RPL14: variants seen among roughly 807,000 people sequenced by gnomAD.
The protein encoded by RPL14 is ribosomal protein L14, also known as large ribosomal subunit protein eL14.
A neutral mutation model predicts 25.3 loss-of-function variants in RPL14; 4 were observed. That is an observed-to-expected ratio of 0.16 (90% CI 0.08 to 0.36). RPL14 has a LOEUF of 0.36. Among genes scored for constraint, RPL14 ranks in the 10% least tolerant of loss-of-function variants. The pLI, the probability that RPL14 is intolerant of heterozygous loss-of-function variation, is 1.00. For synonymous variants in RPL14, 75 were observed against 89.8 expected (o/e 0.84, Z 0.93); for missense variants, 212 against 261.9 (o/e 0.81, Z 1.31).
rs1189816896 is a variant in RPL14 at position 40,466,106 on chromosome 3, G to T, written c.*3874G>T. 6.6e-6 allele frequency: 1 copy of T among 150,568 alleles called. No homozygotes were observed. The highest frequency in any genetic ancestry group is 1.5e-5 in the Non-Finnish European group (1 of 67,726). 9.3% of individuals were successfully genotyped at this position (150,568 alleles called of 1,614,324 possible). On this transcript the variant is annotated 3_prime_UTR_variant, in exon 6 of 6. Coordinates refer to ENST00000396203, the MANE Select transcript of RPL14 (RefSeq NM_001034996.3). ...CTTGGGAGGCTGAGGCGGGAGAATC[G>T]CTTGAACCCAGGAGGTGGAGGTTGC... is the stretch of plus-strand genomic sequence containing the variant.
chr3:40,458,113 T>C lies in RPL14; in HGVS notation c.105+122T>C, dbSNP rs1696872726. The C allele has an allele frequency of 5.0e-6, 4 of 801,114 alleles. No homozygotes were observed. The Admixed American group carries it at 6.6e-5, about 13-fold the overall frequency. 49.6% of individuals were successfully genotyped at this position (801,114 alleles called of 1,614,324 possible). A position where few individuals can be genotyped will look rare whatever the true frequency, so the allele number is the denominator to read the frequency against. The stretch of plus-strand genomic sequence containing the variant: ...TATGGGTAGTCGCTTTATTTTACCA[T>C]TGAGGAAACAGGTAATGGTACGGGT... On this transcript the variant is annotated intron_variant, in intron 2 of 5. Coordinates refer to ENST00000396203, the MANE Select transcript of RPL14 (RefSeq NM_001034996.3).
At chr3:40,457,601 G>C (rs1427425647) in intron 1 of RPL14, 127 bp downstream of exon 1, 2 of 769,400 alleles carry the variant, frequency 2.6e-6, no homozygotes, top group Non-Finnish European at 4.2e-6. Context: ...CCACGCGTGC[G>C]CGCCTCCGCC....
In RPL14 at chr3:40,465,285, A is replaced by G. The variant is rs528247651; in HGVS notation, c.*3053A>G. On this transcript the variant is annotated 3_prime_UTR_variant, in exon 6 of 6. Coordinates refer to ENST00000396203, the MANE Select transcript of RPL14 (RefSeq NM_001034996.3). ...AAGTGAGGGGAAGAGGGTAGTAAGC[A>G]AAGGAGAAATGTTATATGGGGTTCG... is the stretch of plus-strand genomic sequence containing the variant. 1 of 152,314 alleles carries G rather than the reference A, an allele frequency of 6.6e-6. No homozygotes were observed. Among genetic ancestry groups the G allele is most frequent in the East Asian group, 1.9e-4 (1 of 5,184 alleles). The allele number at this position is 152,314 out of a possible 1,614,324, so 9.4% of individuals were successfully genotyped here. A position where few individuals can be genotyped will look rare whatever the true frequency, so the allele number is the denominator to read the frequency against.
intron 4 of RPL14, 45 bp from the exon 5 acceptor site, chr3:40,461,563 T>C (rs1696937372): frequency 6.2e-7 from 1 of 1,606,074 alleles, no homozygotes. Flanking sequence ...GGGTTCAAGA[T>C]AGTGTGAGAG....
At position 40,464,594 on chromosome 3, in the gene RPL14, A is replaced by G; in HGVS notation, c.*2362A>G. 2.2e-6 allele frequency: 1 copy of G among 445,186 alleles called. No homozygotes were observed. Among genetic ancestry groups the G allele is most frequent in the South Asian group, 1.6e-5 (1 of 63,796 alleles). 27.6% of individuals were successfully genotyped at this position (445,186 alleles called of 1,614,324 possible). On this transcript the variant is annotated 3_prime_UTR_variant, in exon 6 of 6. Transcript: ENST00000396203. ...ATCGTGTAGGGGAACACGGGAAGCTACTGAGGGTTTTTTAAAATGGCGTGA... is the reference window on the plus strand; with the variant it reads ...ATCGTGTAGGGGAACACGGGAAGCTGCTGAGGGTTTTTTAAAATGGCGTGA...
rs558163522 is a variant in RPL14, at chr3:40,458,059, G to T, written c.105+68G>T. ...GCCCTGCAGATGGCAATAATGAATT[G>T]TCTCGATGGCTGTGTAAGATGAGGA... On this transcript the variant is annotated intron_variant, in intron 2 of 5. Coordinates refer to ENST00000396203, the MANE Select transcript of RPL14 (RefSeq NM_001034996.3). The T allele has an allele frequency of 3.0e-6, 4 of 1,316,676 alleles. No homozygotes were observed. The South Asian group carries it at 4.7e-5, about 15-fold the overall frequency. The allele number at this position is 1,316,676 out of a possible 1,614,324, so 81.6% of individuals were successfully genotyped here.
Position 40,467,085 on chromosome 3 carries a change from T to C in RPL14, c.*4853T>C, listed in dbSNP as rs1001892189. 1.4e-4 allele frequency: 22 copies of C among 152,206 alleles called. No individual in the cohort carries two copies. Among genetic ancestry groups the C allele is most frequent in the Admixed American group, 9.8e-4 (15 of 15,278 alleles). 9.4% of individuals were successfully genotyped at this position (152,206 alleles called of 1,614,324 possible). Reference sequence around the variant, plus strand: ...AGTACCCTGTGTAAAGGAAAACATATACATCTTGCAGACATTTTTTAATGT... The same window carrying C: ...AGTACCCTGTGTAAAGGAAAACATACACATCTTGCAGACATTTTTTAATGT... On this transcript the variant is annotated 3_prime_UTR_variant, in exon 6 of 6. Coordinates refer to ENST00000396203, the MANE Select transcript of RPL14 (RefSeq NM_001034996.3).
At position 40,462,530 on chromosome 3, in the gene RPL14, C is replaced by G. The variant is rs1696960221; in HGVS notation, c.*298C>G. On this transcript the variant is annotated 3_prime_UTR_variant, in exon 6 of 6. Coordinates refer to ENST00000396203, the MANE Select transcript of RPL14 (RefSeq NM_001034996.3). ...CAGCTGGGACTACAGGTGCCCGCCA[C>G]CGCGCCTGGCTAATTTTTTGTATTT... The G allele has an allele frequency of 8.8e-6, 2 of 227,552 alleles. No homozygotes were observed. The highest frequency in any genetic ancestry group is 1.7e-5 in the Non-Finnish European group (2 of 117,124). 14.1% of individuals were successfully genotyped at this position (227,552 alleles called of 1,614,324 possible).
Position 40,464,601 on chromosome 3 carries a change from G to T in RPL14, c.*2369G>T, listed in dbSNP as rs1245639223. The T allele has an allele frequency of 5.7e-5, 25 of 441,714 alleles. No individual in the cohort carries two copies. In the East Asian group the frequency reaches 1.5e-3, roughly 26 times the overall value. 27.4% of individuals were successfully genotyped at this position (441,714 alleles called of 1,614,324 possible). The stretch of plus-strand genomic sequence containing the variant: ...AGGGGAACACGGGAAGCTACTGAGG[G>T]TTTTTTAAAATGGCGTGATATCTCA... On this transcript the variant is annotated 3_prime_UTR_variant, in exon 6 of 6. Coordinates refer to ENST00000396203, the MANE Select transcript of RPL14 (RefSeq NM_001034996.3).
Position 40,458,894 on chromosome 3 carries a change from G to A in RPL14, c.200+158G>A, listed in dbSNP as rs559916471. ...GGATTATTTACTTTTAAAATGTCTT[G>A]CCTGCGCGTGATAGCTCATGCCTGT... On this transcript the variant is annotated intron_variant, in intron 3 of 5. Coordinates refer to ENST00000396203, the MANE Select transcript of RPL14 (RefSeq NM_001034996.3). The A allele has an allele frequency of 2.9e-4, 186 of 641,904 alleles. 2 individuals carry two copies. Among genetic ancestry groups the A allele is most frequent in the South Asian group, 8.5e-4 (47 of 55,508 alleles). 39.8% of individuals were successfully genotyped at this position (641,904 alleles called of 1,614,324 possible).
intron 3 of RPL14, 152 bp downstream of exon 3, chr3:40,458,888 T>C (rs1696884806): frequency 1.4e-5 from 9 of 657,868 alleles, no homozygotes; most frequent in Admixed American, 2.4e-5. Flanking sequence ...ACTTTTAAAA[T>C]GTCTTGCCTG....
chr3:40,459,361 C>G (rs114683088), intron 3 of RPL14, among the ~76,000 whole-genome samples: 1 of 152,126 alleles, frequency 6.6e-6, no homozygotes, highest in Non-Finnish European at 1.5e-5. Context: ...ATTAGATAAG[C>G]TCTCAGTGTG....
At position 40,466,584 on chromosome 3, in the gene RPL14, AACTCATTACTTTAT is replaced by A. The variant is rs1697030764; in HGVS notation, c.*4353_*4366del. ...GGTTTAAATTCTGTCATTCAGCCCA[AACTCATTACTTTAT>A]GTTACTTATGGGAACCTCATCTAAA... On this transcript the variant is annotated 3_prime_UTR_variant, in exon 6 of 6. Coordinates refer to ENST00000396203, the MANE Select transcript of RPL14 (RefSeq NM_001034996.3). 1 of 151,780 alleles carries A rather than the reference AACTCATTACTTTAT, an allele frequency of 6.6e-6. No homozygotes were observed. The allele number at this position is 151,780 out of a possible 1,614,324, so 9.4% of individuals were successfully genotyped here. A position where few individuals can be genotyped will look rare whatever the true frequency, so the allele number is the denominator to read the frequency against.
rs1196499223 is a variant in RPL14 at position 40,464,877 on chromosome 3, T to C, written c.*2645T>C. 1 of 209,984 alleles carries C rather than the reference T, an allele frequency of 4.8e-6. No homozygotes were observed. The highest frequency in any genetic ancestry group is 9.9e-6 in the Non-Finnish European group (1 of 101,100). The allele number at this position is 209,984 out of a possible 1,614,324, so 13.0% of individuals were successfully genotyped here. A position where few individuals can be genotyped will look rare whatever the true frequency, so the allele number is the denominator to read the frequency against. On this transcript the variant is annotated 3_prime_UTR_variant, in exon 6 of 6. Coordinates refer to ENST00000396203, the MANE Select transcript of RPL14 (RefSeq NM_001034996.3). ...TAAAGTTTATCTAGGTAAAATGAGT[T>C]AGTTTTCATGTAGACTATCTGGGTG...
At chr3:40,461,542 C>CT (rs761509393) in intron 4 of RPL14, 36 bp downstream of exon 4, 11 of 1,609,716 alleles carry the variant, frequency 6.8e-6, no homozygotes, top group South Asian at 1.1e-5. Flanking sequence ...CTGGTCCTTT[C>CT]TTTTTTTGGA....
chr3:40,458,473 C>G (rs529440218), intron 2 of RPL14, 169 bp from the exon 3 acceptor site: 2 of 604,524 alleles, frequency 3.3e-6, no homozygotes, highest in East Asian at 5.6e-5. Flanking sequence ...GAGCAAAAGA[C>G]ATACATATAT....
chr3:40,465,396 C>T lies in RPL14; in HGVS notation c.*3164C>T, dbSNP rs148982974. 4.0e-5 allele frequency: 6 copies of T among 151,824 alleles called. No homozygotes were observed. Among genetic ancestry groups the T allele is most frequent in the Non-Finnish European group, 5.9e-5 (4 of 67,960 alleles). The allele number at this position is 151,824 out of a possible 1,614,324, so 9.4% of individuals were successfully genotyped here. On this transcript the variant is annotated 3_prime_UTR_variant, in exon 6 of 6. Transcript: ENST00000396203. The stretch of plus-strand genomic sequence containing the variant: ...CTAATAGGAGAGAAACTTAGCCCTT[C>T]GAAAAACAGGAAGGGATGGATCCTA...
Position 40,464,314 on chromosome 3 carries a change from A to C in RPL14, c.*2082A>C. ...TAACCAAAAGCTAGCTTCAGGCGTC[A>C]CTGGGGTAAAGGAAAAAGCACATTG... On this transcript the variant is annotated 3_prime_UTR_variant, in exon 6 of 6. Coordinates refer to ENST00000396203, the MANE Select transcript of RPL14 (RefSeq NM_001034996.3). 2.7e-6 allele frequency: 1 copy of C among 365,680 alleles called. No homozygotes were observed. Among genetic ancestry groups the C allele is most frequent in the South Asian group, 2.1e-5 (1 of 48,612 alleles). 22.7% of individuals were successfully genotyped at this position (365,680 alleles called of 1,614,324 possible). A position where few individuals can be genotyped will look rare whatever the true frequency, so the allele number is the denominator to read the frequency against.
chr3:40,458,344 C>G (rs958526811), intron 2 of RPL14: 1 of 515,682 alleles, frequency 1.9e-6, no homozygotes, highest in Non-Finnish European at 3.5e-6. Context: ...TGACCACTGA[C>G]TATAAATCAG....
Sources: allele counts gnomAD v4.1 joint callset (sites outside exome capture counted in the v4.1 genomes callset), GRCh38; gene constraint gnomAD v4.1.1; transcripts MANE v1.5; gene names NCBI Gene and HGNC (gene_info 2026-07-23, HGNC 2026-07-21).